The following FRRS1L variants were observed in gnomAD, a reference collection of about 807,000 sequenced individuals.
The protein encoded by FRRS1L is DOMON domain-containing protein FRRS1L.
A neutral mutation model predicts 28.6 loss-of-function variants in FRRS1L; 22 were observed. That is an observed-to-expected ratio of 0.77 (90% CI 0.55 to 1.10). The LOEUF (loss-of-function observed/expected upper bound fraction) is 1.10. Ranked by LOEUF, FRRS1L falls within the 50% of genes least tolerant of loss-of-function variation. The pLI, the probability that FRRS1L is intolerant of heterozygous loss-of-function variation, is 0.00. For synonymous variants in FRRS1L, 158 were observed against 151.4 expected (o/e 1.04, Z -0.32); for missense variants, 380 against 386.9 (o/e 0.98, Z 0.15).
rs117596930 is a variant in FRRS1L at position 109,164,054 on chromosome 9, C to T, written c.238+2847G>A. ...TCTTCTTCCCTCTCTCTGGCAACCC[C>T]TCCTCAGCCCCCGCTTTTAAGGCAA... is the stretch of plus-strand genomic sequence containing the variant. On this transcript the variant is annotated intron_variant, in intron 1 of 4. Coordinates refer to ENST00000561981, the MANE Select transcript of FRRS1L (RefSeq NM_014334.4). Among the ~76,000 whole-genome samples, 142 of 152,298 alleles carry T rather than the reference C, an allele frequency of 9.3e-4. 1 individual carries two copies. In the East Asian group the frequency reaches 0.024, roughly 26 times the overall value.
intron 4 of FRRS1L, chr9:109,139,252 G>C (rs1201920828): frequency 3.3e-5 from 5 of 151,964 alleles, no homozygotes; most frequent in African/African-American, 1.2e-4. Flanking sequence ...CAGGAAACAA[G>C]AAAAGCAGAA....
At chr9:109,163,079 C>G (rs893122661) in intron 1 of FRRS1L, among the ~76,000 whole-genome samples, 2 of 152,202 alleles carry the variant, frequency 1.3e-5, no homozygotes, top group Non-Finnish European at 2.9e-5. Flanking sequence ...ATCTTAGCAG[C>G]AGGGAGAAGC....
rs747212520 is a variant in FRRS1L, at chr9:109,147,185, C to T, written c.328G>A (p.Gly110Ser). Residue 110 changes from glycine (G) to serine (S), a missense_variant, in exon 3 of 5, where the codon GGC becomes AGC. Gly to Ser is a moderately conservative substitution (Grantham distance 56). Transcript: ENST00000561981. ...GTCTCTGCATTACAGCCTGGTTTGCCATATCTAGAAGAGATATCGAAAGAG... is the reference window on the plus strand; with the variant it reads ...GTCTCTGCATTACAGCCTGGTTTGCTATATCTAGAAGAGATATCGAAAGAG... ...CGKTKGCFRY[G>S]KPGCNAETCD... The T allele has an allele frequency of 1.2e-6, 2 of 1,613,022 alleles. No individual in the cohort carries two copies. Among genetic ancestry groups the T allele is most frequent in the Non-Finnish European group, 1.7e-6 (2 of 1,179,002 alleles).
chr9:109,149,739 G>T lies in FRRS1L; in HGVS notation c.239-19C>A. 9 of 1,536,060 alleles carry T rather than the reference G, an allele frequency of 5.9e-6. No individual in the cohort carries two copies. The highest frequency in any genetic ancestry group is 8.1e-6 in the Non-Finnish European group (9 of 1,112,510). ...GGGTAACCTGGGCAGTGAGAATAAAGAAGGGTTAGAAAATCCAGTAACAAC... is the reference window on the plus strand; with the variant it reads ...GGGTAACCTGGGCAGTGAGAATAAATAAGGGTTAGAAAATCCAGTAACAAC... On this transcript the variant is annotated intron_variant, in intron 1 of 4. Transcript: ENST00000561981.
In FRRS1L at chr9:109,137,582, C is replaced by T. The variant is rs369193985; in HGVS notation, c.755G>A (p.Arg252His). 1.3e-5 allele frequency: 21 copies of T among 1,611,330 alleles called. No homozygotes were observed. Among genetic ancestry groups the T allele is most frequent in the Middle Eastern group, 1.6e-4 (1 of 6,074 alleles). ...TTCATACTTGTAAATACTGACAACA[C>T]GCTCTGAAGCCGGCGGTGAGTCTAT... is the stretch of plus-strand genomic sequence containing the variant. ...HDIDSPPASE[R>H]VVSIYKYEDI... The change falls in exon 5 of 5, where the codon CGT (arginine) becomes CAT (histidine). Residue 252 changes from arginine (R) to histidine (H), a missense_variant. Arg to His is a conservative substitution (Grantham distance 29). Transcript: ENST00000561981.
intron 1 of FRRS1L, among the ~76,000 whole-genome samples, chr9:109,164,495 T>C (rs1241160283): frequency 6.7e-6 from 1 of 149,080 alleles, no homozygotes; most frequent in African/African-American, 2.5e-5. Flanking sequence ...ACCTCCTGGG[T>C]TCAAGCAATT....
chr9:109,163,066 G>T (rs1831498715), intron 1 of FRRS1L, among the ~76,000 whole-genome samples: 1 of 152,166 alleles, frequency 6.6e-6, no homozygotes, highest in African/African-American at 2.4e-5. Flanking sequence ...CCCAAACCTG[G>T]CCATCTTAGC....
In FRRS1L at chr9:109,130,951, A is replaced by G. The variant is rs1447475450; in HGVS notation, c.*6504T>C. The G allele has an allele frequency of 6.6e-6, 1 of 152,236 alleles. No homozygotes were observed. The highest frequency in any genetic ancestry group is 1.5e-5 in the Non-Finnish European group (1 of 68,048). The allele number at this position is 152,236 out of a possible 1,614,324, so 9.4% of individuals were successfully genotyped here. A position where few individuals can be genotyped will look rare whatever the true frequency, so the allele number is the denominator to read the frequency against. ...AAATATCCAGGGGAAAACTGAACAC[A>G]TTAATCAAGCAGCAGTGTGTTTTAT... On this transcript the variant is annotated 3_prime_UTR_variant, in exon 5 of 5. Coordinates refer to ENST00000561981, the MANE Select transcript of FRRS1L (RefSeq NM_014334.4).
At chr9:109,141,255 C>G in intron 4 of FRRS1L, 88 bp downstream of exon 4, 1 of 1,472,612 alleles carries the variant, frequency 6.8e-7, no homozygotes, top group Non-Finnish European at 9.4e-7. Flanking sequence ...TTATCGCTCT[C>G]TTGTGCACAC....
chr9:109,149,739 G>A lies in FRRS1L; in HGVS notation c.239-19C>T, dbSNP rs1453134141. Reference sequence around the variant, plus strand: ...GGGTAACCTGGGCAGTGAGAATAAAGAAGGGTTAGAAAATCCAGTAACAAC... The same window carrying A: ...GGGTAACCTGGGCAGTGAGAATAAAAAAGGGTTAGAAAATCCAGTAACAAC... On this transcript the variant is annotated intron_variant, in intron 1 of 4. Coordinates refer to ENST00000561981, the MANE Select transcript of FRRS1L (RefSeq NM_014334.4). The A allele has an allele frequency of 6.5e-7, 1 of 1,536,060 alleles. No homozygotes were observed. The highest frequency in any genetic ancestry group is 9.0e-7 in the Non-Finnish European group (1 of 1,112,510).
chr9:109,151,541 C>G (rs1448589997), intron 1 of FRRS1L: 3 of 214,294 alleles, frequency 1.4e-5, no homozygotes, highest in African/African-American at 6.9e-5. Context: ...GCCACTGTCT[C>G]CCATCACCCC....
At chr9:109,160,791 C>CTTTTT (rs750103312) in intron 1 of FRRS1L, among the ~76,000 whole-genome samples, 4 of 114,386 alleles carry the variant, frequency 3.5e-5, no homozygotes, top group African/African-American at 6.7e-5. Context: ...AGAAAGAAAT[C>CTTTTT]TTTTTTTTTT....
chr9:109,150,968 GTTATTT>G (rs1831323639), intron 1 of FRRS1L: 1 of 152,076 alleles, frequency 6.6e-6, no homozygotes, highest in East Asian at 1.9e-4. Flanking sequence ...TTTTTTTCTT[GTTATTT>G]TTAAGTTTTT....
rs952780355 is a variant in FRRS1L at position 109,133,879 on chromosome 9, A to G, written c.*3576T>C. On this transcript the variant is annotated 3_prime_UTR_variant, in exon 5 of 5. Coordinates refer to ENST00000561981, the MANE Select transcript of FRRS1L (RefSeq NM_014334.4). The stretch of plus-strand genomic sequence containing the variant: ...AATAGAAGTTGATTCTCTTATATTT[A>G]AGTAGGGATGAATGAAACTGAAGTT... 4.6e-5 allele frequency: 7 copies of G among 152,212 alleles called. No homozygotes were observed. The highest frequency in any genetic ancestry group is 1.4e-4 in the African/African-American group (6 of 41,450). The allele number at this position is 152,212 out of a possible 1,614,324, so 9.4% of individuals were successfully genotyped here.
chr9:109,164,988 T>C (rs1339905146), intron 1 of FRRS1L, among the ~76,000 whole-genome samples: 8 of 152,210 alleles, frequency 5.3e-5, no homozygotes, highest in African/African-American at 1.9e-4. Flanking sequence ...TATCATTCTC[T>C]CTGCAGAGAG....
chr9:109,145,365 C>T (rs1487172212), intron 3 of FRRS1L, among the ~76,000 whole-genome samples: 2 of 152,138 alleles, frequency 1.3e-5, no homozygotes, highest in East Asian at 1.9e-4. Flanking sequence ...CGTAACTTCC[C>T]TGATGTAATC....
At chr9:109,143,296 A>G (rs2118472910) in intron 3 of FRRS1L, among the ~76,000 whole-genome samples, 1 of 152,222 alleles carries the variant, frequency 6.6e-6, no homozygotes, top group African/African-American at 2.4e-5. Flanking sequence ...AGCCTGGGCA[A>G]TACAGTAAGA....
In FRRS1L at chr9:109,158,651, G is replaced by A. The variant is rs561436770; in HGVS notation, c.238+8250C>T. Among the ~76,000 whole-genome samples the A allele has an allele frequency of 5.9e-5, 9 of 152,250 alleles. No individual in the cohort carries two copies. In the South Asian group the frequency reaches 1.9e-3, roughly 32 times the overall value. ...TAATATTTTCAAGGTTCATTACATG[G>A]TAGCATGTATTGGAACTTCACTCCT... On this transcript the variant is annotated intron_variant, in intron 1 of 4. Transcript: ENST00000561981.
intron 1 of FRRS1L, among the ~76,000 whole-genome samples, chr9:109,160,952 C>T (rs560623023): frequency 2.7e-4 from 41 of 152,060 alleles, no homozygotes; most frequent in African/African-American, 9.9e-4. Context: ...GCCATCATGC[C>T]CGGCTAATTT....
Sources: allele counts gnomAD v4.1 joint callset (sites outside exome capture counted in the v4.1 genomes callset), GRCh38; gene constraint gnomAD v4.1.1; transcripts MANE v1.5; gene names NCBI Gene and HGNC (gene_info 2026-07-23, HGNC 2026-07-21).